Variants in ZNF266 observed in about 807,000 individuals in gnomAD.
ZNF266 encodes the protein zinc finger protein 1.
In ZNF266, 16 loss-of-function variants were observed where a neutral mutation model predicts 16.4. The ratio of observed to expected loss-of-function variants is 0.98; its 90% CI spans 0.66 to 1.48. The LOEUF (loss-of-function observed/expected upper bound fraction) is 1.48. ZNF266 is among the 40% of genes most tolerant of loss of function. ZNF266 has a pLI of 0.00. For synonymous variants in ZNF266, 262 were observed against 237.9 expected, an observed-to-expected ratio of 1.10 and a Z score of -0.93; for missense variants, 738 against 689.1, an observed-to-expected ratio of 1.07 and a Z score of -0.79.
chr19:9,425,439 G>A (rs575250212), intron 5 of ZNF266, among the ~76,000 whole-genome samples: 1 of 152,314 alleles, frequency 6.6e-6, no homozygotes, highest in South Asian at 2.1e-4. Context: ...CTCCCGGTCT[G>A]GGTAGGGCTA....
At chr19:9,432,732 G>T (rs553708280) in intron 5 of ZNF266, among the ~76,000 whole-genome samples, 1 of 151,644 alleles carries the variant, frequency 6.6e-6, no homozygotes, top group East Asian at 1.9e-4. Context: ...AATAAAAATA[G>T]GCTATTTATC....
chr19:9,427,958 G>A (rs554838417), intron 5 of ZNF266, among the ~76,000 whole-genome samples: 2 of 151,818 alleles, frequency 1.3e-5, no homozygotes, highest in Non-Finnish European at 2.9e-5. Flanking sequence ...TCCTATTAAT[G>A]CCTCGAAGAA....
At chr19:9,430,568 C>T (rs901942998) in intron 5 of ZNF266, among the ~76,000 whole-genome samples, 4 of 152,140 alleles carry the variant, frequency 2.6e-5, no homozygotes, top group Non-Finnish European at 5.9e-5. Context: ...CATAACTGCC[C>T]TACATCTATT....
At chr19:9,431,248 GC>G (rs1445434597) in intron 5 of ZNF266, among the ~76,000 whole-genome samples, 1 of 152,138 alleles carries the variant, frequency 6.6e-6, no homozygotes, top group Non-Finnish European at 1.5e-5. Flanking sequence ...CACGCCATAT[GC>G]CCATAACACA....
chr19:9,426,382 C>T (rs1417337655), intron 5 of ZNF266, among the ~76,000 whole-genome samples: 3 of 152,032 alleles, frequency 2.0e-5, no homozygotes, highest in Admixed American at 6.6e-5. Context: ...GTCTGGAGTT[C>T]CCAGTCCTCT....
Position 9,414,873 on chromosome 19 carries a change from C to T in ZNF266, c.406-153G>A, listed in dbSNP as rs577940703. ...TAATGCCCTTTTGATTTCTTTCCAG[C>T]GGAATGACAAAAAACTCCTGCCAGG... On this transcript the variant is annotated intron_variant, in intron 10 of 10. Transcript: ENST00000592904. 1.4e-4 allele frequency among the ~76,000 whole-genome samples: 22 copies of T among 152,296 alleles called. No homozygotes were observed. The East Asian group carries it at 4.0e-3, about 28-fold the overall frequency.
In ZNF266 at chr19:9,434,786, T is replaced by C. The variant is rs1480070816; in HGVS notation, c.-410+12A>G. 6.6e-6 allele frequency: 1 copy of C among 152,142 alleles called. No individual in the cohort carries two copies. The highest frequency in any genetic ancestry group is 3.2e-3 in the Middle Eastern group (1 of 316). 9.4% of individuals were successfully genotyped at this position (152,142 alleles called of 1,614,324 possible). A position where few individuals can be genotyped will look rare whatever the true frequency, so the allele number is the denominator to read the frequency against. ...TAAACCTTAAGTGTCACGCCTGCAA[T>C]GTTCAACTTACTTCAAAGCCTCCAT... On this transcript the variant is annotated intron_variant, in intron 3 of 10. Transcript: ENST00000592904.
chr19:9,424,837 G>A (rs1342602040), intron 5 of ZNF266, among the ~76,000 whole-genome samples: 1 of 152,174 alleles, frequency 6.6e-6, no homozygotes, highest in Non-Finnish European at 1.5e-5. Context: ...CTGCTCCTTT[G>A]GGGGTGGGTG....
At chr19:9,431,856 C>T (rs1599572008) in intron 5 of ZNF266, among the ~76,000 whole-genome samples, 1 of 152,232 alleles carries the variant, frequency 6.6e-6, no homozygotes, top group East Asian at 1.9e-4. Flanking sequence ...ATAACACCCT[C>T]CTGTTGAGCG....
chr19:9,427,579 G>C (rs189114916), intron 5 of ZNF266, among the ~76,000 whole-genome samples: 1 of 151,764 alleles, frequency 6.6e-6, no homozygotes, highest in African/African-American at 2.4e-5. Flanking sequence ...TGCCCACCTC[G>C]GCCTCCCAAA....
At chr19:9,428,716 G>GAAAAA (rs59102600) in intron 5 of ZNF266, among the ~76,000 whole-genome samples, 2 of 132,874 alleles carry the variant, frequency 1.5e-5, no homozygotes, top group Non-Finnish European at 3.2e-5. Context: ...TCCAGGGTGG[G>GAAAAA]AAAAAAAAAA....
At position 9,413,895 on chromosome 19, in the gene ZNF266, G is replaced by A. The variant is rs772129665; in HGVS notation, c.1231C>T (p.Arg411Ter). Residue 411 changes from arginine to a stop codon, truncating the protein, a stop_gained, in exon 11 of 11, where the codon CGA becomes TGA. Coordinates refer to ENST00000592904, the MANE Select transcript of ZNF266 (RefSeq NM_001370374.1). LOFTEE classifies it low-confidence loss of function (END_TRUNC). ...RNSSCLSDHF[R>*]IHTGIKPYKC... is the part of the protein sequence containing the mutation. The stretch of plus-strand genomic sequence containing the variant: ...TAGGGTTTTATTCCAGTGTGAATTC[G>A]AAAGTGATCACTGAGGCATGAGGAA... The A allele has an allele frequency of 3.8e-5, 62 of 1,613,294 alleles. No individual in the cohort carries two copies. The highest frequency in any genetic ancestry group is 8.3e-5 in the Admixed American group (5 of 59,946).
chr19:9,430,371 C>CT (rs59642234), intron 5 of ZNF266, among the ~76,000 whole-genome samples: 84,990 of 151,314 alleles, frequency 0.56, 24,048 homozygotes, highest in Middle Eastern at 0.63. Context: ...CTTTTAAAGA[C>CT]CTTTCCTGAA....
intron 5 of ZNF266, among the ~76,000 whole-genome samples, chr19:9,423,759 G>A (rs2070285259): frequency 6.6e-6 from 1 of 152,162 alleles, no homozygotes; most frequent in Non-Finnish European, 1.5e-5. Flanking sequence ...ACTTTGGGAG[G>A]CCGAGGCAGG....
chr19:9,425,186 A>AC (rs2070549252), intron 5 of ZNF266, among the ~76,000 whole-genome samples: 2 of 151,964 alleles, frequency 1.3e-5, no homozygotes, highest in South Asian at 4.2e-4. Context: ...CCAATCCACA[A>AC]CCCCCAAAGG....
intron 5 of ZNF266, among the ~76,000 whole-genome samples, chr19:9,431,784 C>T (rs900269392): frequency 2.0e-5 from 3 of 152,210 alleles, no homozygotes; most frequent in Non-Finnish European, 2.9e-5. Flanking sequence ...TACAGCCACA[C>T]TGTGGCCAAA....
chr19:9,426,877 T>G (rs956881641), intron 5 of ZNF266, among the ~76,000 whole-genome samples: 2 of 152,200 alleles, frequency 1.3e-5, no homozygotes, highest in African/African-American at 4.8e-5. Context: ...TGCTTAAATC[T>G]CCCATTGTCA....
chr19:9,423,793 C>T (rs540645755), intron 5 of ZNF266, among the ~76,000 whole-genome samples: 4 of 152,132 alleles, frequency 2.6e-5, no homozygotes, highest in East Asian at 1.9e-4. Flanking sequence ...GTCAGGAGTT[C>T]GTGACCAGCC....
chr19:9,413,759 A>G lies in ZNF266; in HGVS notation c.1367T>C (p.Phe456Ser), dbSNP rs1202704078. The G allele has an allele frequency of 6.2e-7, 1 of 1,614,042 alleles. No individual in the cohort carries two copies. Among genetic ancestry groups the G allele is most frequent in the East Asian group, 2.2e-5 (1 of 44,880 alleles). Residue 456 changes from phenylalanine (F) to serine (S), a missense_variant, in exon 11 of 11, where the codon TTT becomes TCT. Physicochemically the swap from Phe to Ser is radical, Grantham distance 155 (BLOSUM62 -2). Transcript: ENST00000592904. ...TTCACTAAGGCGAGAGGATCTGGCA[A>G]AGGCCTTTCCACATTCCTTACATTC... ...PYECKECGKA[F>S]ARSSRLSEHT...
Sources: allele counts gnomAD v4.1 joint callset (sites outside exome capture counted in the v4.1 genomes callset), GRCh38; gene constraint gnomAD v4.1.1; transcripts MANE v1.5; gene names NCBI Gene and HGNC (gene_info 2026-07-23, HGNC 2026-07-21).